PARD3: variants seen among roughly 807,000 people sequenced by gnomAD.
The protein encoded by PARD3 is partitioning defective 3 homolog.
PARD3 carries 75 observed loss-of-function variants against 155.4 expected under a neutral mutation model. The ratio of observed to expected loss-of-function variants is 0.48; its 90% CI spans 0.40 to 0.58. The LOEUF (loss-of-function observed/expected upper bound fraction) is 0.58. Among genes scored for constraint, PARD3 ranks in the 20% least tolerant of loss-of-function variants. The probability of loss-of-function intolerance (pLI) is 0.00; values close to 1 mark genes in which losing one functional copy is unlikely to be tolerated. For synonymous variants in PARD3, 576 were observed against 610.5 expected (o/e 0.94, Z 0.83); for missense variants, 1,642 against 1,721.7 (o/e 0.95, Z 0.82).
intron 20 of PARD3, among the ~76,000 whole-genome samples, chr10:34,303,157 G>A (rs1364023472): frequency 1.7e-5 from 2 of 117,214 alleles, no homozygotes; most frequent in Admixed American, 9.1e-5. Context: ...TTACTGCCCA[G>A]GTGAATTTTT....
At chr10:34,129,246 G>A (rs1412257918) in intron 23 of PARD3, among the ~76,000 whole-genome samples, 6 of 152,044 alleles carry the variant, frequency 3.9e-5, no homozygotes, top group Admixed American at 6.5e-5. Context: ...TCTGCCTCCC[G>A]GGTTCAAGTG....
At chr10:34,535,720 C>T (rs1406588460) in intron 2 of PARD3, among the ~76,000 whole-genome samples, 1 of 151,964 alleles carries the variant, frequency 6.6e-6, no homozygotes, top group Non-Finnish European at 1.5e-5. Flanking sequence ...AGGTGGTCCA[C>T]CAGCCTCAGC....
intron 4 of PARD3, among the ~76,000 whole-genome samples, chr10:34,467,329 T>TTGTGTGTGTGTGTG (rs61218571): frequency 2.3e-4 from 34 of 147,088 alleles, no homozygotes; most frequent in South Asian, 1.1e-3. Flanking sequence ...TGACTCCAAC[T>TTGTGTGTGTGTGTG]TGTGTGTGTG....
intron 5 of PARD3, among the ~76,000 whole-genome samples, chr10:34,416,734 G>C (rs1327781300): frequency 6.6e-6 from 1 of 152,180 alleles, no homozygotes; most frequent in African/African-American, 2.4e-5. Context: ...GTGAGACTAT[G>C]AACAAATAGA....
chr10:34,591,099 C>A (rs192202390), intron 2 of PARD3, among the ~76,000 whole-genome samples: 17 of 152,184 alleles, frequency 1.1e-4, no homozygotes, highest in African/African-American at 4.1e-4. Context: ...CCCAGAGGGC[C>A]CCAGTCCCAG....
chr10:34,612,709 T>C (rs1237013685), intron 2 of PARD3, among the ~76,000 whole-genome samples: 30 of 152,238 alleles, frequency 2.0e-4, no homozygotes, highest in Admixed American at 2.0e-3. Context: ...AGCTTCTTAA[T>C]GCTGGTATAT....
chr10:34,699,664 G>A (rs1447515837), intron 1 of PARD3, among the ~76,000 whole-genome samples: 2 of 152,166 alleles, frequency 1.3e-5, no homozygotes, highest in East Asian at 3.9e-4. Flanking sequence ...AAATGTAGCT[G>A]AGCAAAAAAT....
rs1388657095 is a variant in PARD3 at position 34,687,998 on chromosome 10, G to A, written c.222+8320C>T. On this transcript the variant is annotated intron_variant, in intron 2 of 24. Coordinates refer to ENST00000374788, the MANE Select transcript of PARD3 (RefSeq NM_001184785.2). ...AGCCTTTGAGTAGCTCAGACTACAG[G>A]CCAGCACCACCACACTCAGCTAATT... 2.0e-5 allele frequency among the ~76,000 whole-genome samples: 3 copies of A among 151,656 alleles called. No individual in the cohort carries two copies. In the East Asian group the frequency reaches 5.8e-4, roughly 29 times the overall value.
At chr10:34,477,447 T>C (rs2133157300) in intron 3 of PARD3, among the ~76,000 whole-genome samples, 1 of 152,340 alleles carries the variant, frequency 6.6e-6, no homozygotes, top group East Asian at 1.9e-4. Flanking sequence ...ATGTGTACAC[T>C]GCTTTGAAGA....
At chr10:34,236,924 A>G (rs867823518) in intron 22 of PARD3, among the ~76,000 whole-genome samples, 5 of 152,208 alleles carry the variant, frequency 3.3e-5, no homozygotes, top group Non-Finnish European at 7.4e-5. Context: ...TATTATTCCC[A>G]ATATTTATCA....
At chr10:34,624,657 CAGG>C (rs1253433139) in intron 2 of PARD3, among the ~76,000 whole-genome samples, 1 of 152,242 alleles carries the variant, frequency 6.6e-6, no homozygotes, top group East Asian at 1.9e-4. Flanking sequence ...TCCCTACAGA[CAGG>C]AGGATGATGG....
chr10:34,754,609 A>G (rs1836480340), intron 1 of PARD3, among the ~76,000 whole-genome samples: 1 of 152,210 alleles, frequency 6.6e-6, no homozygotes, highest in Admixed American at 6.5e-5. Context: ...AATTGTTAAA[A>G]GCCACTAATT....
chr10:34,700,933 C>T (rs1183604758), intron 1 of PARD3, among the ~76,000 whole-genome samples: 1 of 152,108 alleles, frequency 6.6e-6, no homozygotes, highest in Admixed American at 6.6e-5. Flanking sequence ...TGAGATCACA[C>T]CACTGCACTC....
intron 22 of PARD3, among the ~76,000 whole-genome samples, chr10:34,214,478 G>A (rs943485790): frequency 6.6e-6 from 1 of 152,086 alleles, no homozygotes; most frequent in African/African-American, 2.4e-5. Flanking sequence ...CTGGGCACAT[G>A]GGAGAGAAAA....
chr10:34,232,661 G>C (rs983560293), intron 22 of PARD3, among the ~76,000 whole-genome samples: 3 of 152,132 alleles, frequency 2.0e-5, no homozygotes, highest in African/African-American at 4.8e-5. Context: ...ACTGGGAAGG[G>C]TAGGTAGGAT....
intron 1 of PARD3, among the ~76,000 whole-genome samples, chr10:34,700,190 A>C (rs780949380): frequency 7.9e-5 from 12 of 152,328 alleles, no homozygotes; most frequent in Non-Finnish European, 1.8e-4. Context: ...ATAGGTCCAA[A>C]CCCACCGAAG....
At chr10:34,594,502 T>C (rs140420439) in intron 2 of PARD3, among the ~76,000 whole-genome samples, 1 of 151,786 alleles carries the variant, frequency 6.6e-6, no homozygotes, top group African/African-American at 2.4e-5. Flanking sequence ...CACCTGGCTA[T>C]GCAAGAGACC....
At chr10:34,618,067 C>T (rs187432664) in intron 2 of PARD3, among the ~76,000 whole-genome samples, 1 of 152,174 alleles carries the variant, frequency 6.6e-6, no homozygotes, top group Non-Finnish European at 1.5e-5. Context: ...TATGACCTTT[C>T]TAAACTATAA....
chr10:34,605,535 TC>T lies in PARD3; in HGVS notation c.223-88377del, dbSNP rs201052079. On this transcript the variant is annotated intron_variant, in intron 2 of 24. Transcript: ENST00000374788. ...TATATATATATCTCCTATATATATCTCCTATATATATATATATATATCTCCT... is the reference window on the plus strand; with the variant it reads ...TATATATATATCTCCTATATATATCTCTATATATATATATATATATCTCCT... Among the ~76,000 whole-genome samples the T allele has an allele frequency of 6.0e-4, 13 of 21,696 alleles. 3 individuals carry two copies. Among genetic ancestry groups the T allele is most frequent in the South Asian group, 1.8e-3 (1 of 546 alleles). The allele number at this position is 21,696 out of a possible 152,430, so 14.2% of individuals were successfully genotyped here.
Sources: gnomAD v4.1 joint callset for allele counts (sites outside exome capture counted in the v4.1 genomes callset) on GRCh38, gnomAD v4.1.1 for gene constraint, MANE v1.5 for transcripts, NCBI Gene and HGNC (gene_info 2026-07-23, HGNC 2026-07-21) for gene names.